DIAPH3: variants seen among roughly 807,000 people sequenced by gnomAD.
The protein encoded by DIAPH3 is protein diaphanous homolog 3.
DIAPH3 carries 117 observed loss-of-function variants against 144.3 expected under a neutral mutation model. That is an observed-to-expected ratio of 0.81 (90% CI 0.70 to 0.95). The LOEUF is 0.95. DIAPH3 is among the 40% of genes least tolerant of loss of function. The pLI is 0.00. For synonymous variants in DIAPH3, 519 were observed against 488.9 expected, an observed-to-expected ratio of 1.06 and a Z score of -0.81; for missense variants, 1,421 against 1,412.7, an observed-to-expected ratio of 1.01 and a Z score of -0.09.
intron 3 of DIAPH3, among the ~76,000 whole-genome samples, chr13:60,109,472 G>A: frequency 6.7e-6 from 1 of 149,926 alleles, no homozygotes; most frequent in African/African-American, 2.5e-5. Context: ...AGAGAATAGG[G>A]AAGAATGGAA....
intron 27 of DIAPH3, among the ~76,000 whole-genome samples, chr13:59,739,409 A>G (rs1814978197): frequency 2.0e-5 from 3 of 152,136 alleles, no homozygotes; most frequent in African/African-American, 7.2e-5. Flanking sequence ...CTAAGTATTC[A>G]TTTGTTAATT....
At position 60,114,120 on chromosome 13, in the gene DIAPH3, T is replaced by A. The variant is rs896351354; in HGVS notation, c.214-1934A>T. 2.6e-5 allele frequency among the ~76,000 whole-genome samples: 4 copies of A among 152,120 alleles called. No individual in the cohort carries two copies. In the East Asian group the frequency reaches 7.7e-4, roughly 29 times the overall value. On this transcript the variant is annotated intron_variant, in intron 2 of 27. Coordinates refer to ENST00000400324, the MANE Select transcript of DIAPH3 (RefSeq NM_001042517.2). ...GGGCAGGGTACCTGGTCAAAGAGAT[T>A]TCCTGAAGAAACAGCCAGAAGTAGA...
intron 1 of DIAPH3, among the ~76,000 whole-genome samples, chr13:60,157,848 CT>C (rs1398591332): frequency 2.0e-5 from 3 of 152,172 alleles, no homozygotes; most frequent in African/African-American, 7.2e-5. Flanking sequence ...TTAGCCCTAC[CT>C]GTGCTGCTTG....
At chr13:59,698,391 C>T (rs1222428008) in intron 27 of DIAPH3, among the ~76,000 whole-genome samples, 3 of 151,954 alleles carry the variant, frequency 2.0e-5, no homozygotes, top group African/African-American at 7.3e-5. Flanking sequence ...GTAACACAAG[C>T]CTATTTTACT....
chr13:59,744,522 A>ATT (rs4054915), intron 27 of DIAPH3, among the ~76,000 whole-genome samples: 7,520 of 150,798 alleles, frequency 0.05, 290 homozygotes, highest in South Asian at 0.11. Flanking sequence ...TTTGTGTGTA[A>ATT]TTTTTTTTTT....
intron 19 of DIAPH3, among the ~76,000 whole-genome samples, chr13:59,914,976 G>T (rs2047159940): frequency 6.6e-6 from 1 of 152,030 alleles, no homozygotes; most frequent in African/African-American, 2.4e-5. Context: ...CTTTGGACAT[G>T]AATTTTAAAA....
intron 27 of DIAPH3, among the ~76,000 whole-genome samples, chr13:59,674,911 G>C (rs941742444): frequency 6.6e-6 from 1 of 152,146 alleles, no homozygotes. Context: ...GTAATGGCTT[G>C]TCAGCTAATA....
chr13:59,919,376 A>G (rs920796721), intron 18 of DIAPH3, among the ~76,000 whole-genome samples: 1 of 152,176 alleles, frequency 6.6e-6, no homozygotes, highest in African/African-American at 2.4e-5. Flanking sequence ...TCAAACTGTC[A>G]AAGATCAAAG....
chr13:59,833,583 T>C (rs2041896467), intron 23 of DIAPH3, among the ~76,000 whole-genome samples: 1 of 151,826 alleles, frequency 6.6e-6, no homozygotes, highest in Admixed American at 6.6e-5. Flanking sequence ...TACAATATGA[T>C]TTAAAATTAT....
At chr13:60,093,408 G>C (rs753192359) in intron 4 of DIAPH3, among the ~76,000 whole-genome samples, 40 of 152,120 alleles carry the variant, frequency 2.6e-4, no homozygotes, top group Non-Finnish European at 5.1e-4. Flanking sequence ...GTGTTTCTTA[G>C]CAATGTAACT....
chr13:59,722,952 T>A (rs913582807), intron 27 of DIAPH3, among the ~76,000 whole-genome samples: 9 of 152,180 alleles, frequency 5.9e-5, no homozygotes, highest in African/African-American at 1.9e-4. Flanking sequence ...TGGATTCTAG[T>A]CTCTGAGCCA....
chr13:60,088,808 GAC>G (rs2057836405), intron 4 of DIAPH3, among the ~76,000 whole-genome samples: 1 of 152,236 alleles, frequency 6.6e-6, no homozygotes, highest in Admixed American at 6.5e-5. Flanking sequence ...TTTTAGGAGA[GAC>G]AGGGTTTCAC....
At chr13:59,704,915 G>C (rs146449440) in intron 27 of DIAPH3, among the ~76,000 whole-genome samples, 1 of 152,196 alleles carries the variant, frequency 6.6e-6, no homozygotes, top group African/African-American at 2.4e-5. Flanking sequence ...ACTTCCAGGA[G>C]GTCTAAGGGT....
Position 59,773,618 on chromosome 13 carries a change from G to A in DIAPH3, c.3319+571C>T, listed in dbSNP as rs917729021. On this transcript the variant is annotated intron_variant, in intron 27 of 27. Transcript: ENST00000400324. ...CTGAACAGAGCAGAGAGTTCTATGC[G>A]GTTGGGCATGGAGGACTGGTTAGAG... 7.2e-5 allele frequency among the ~76,000 whole-genome samples: 11 copies of A among 152,144 alleles called. 1 individual carries two copies. Among genetic ancestry groups the A allele is most frequent in the Admixed American group, 5.9e-4 (9 of 15,268 alleles).
chr13:59,765,958 C>A (rs896278443), intron 27 of DIAPH3, among the ~76,000 whole-genome samples: 1 of 152,196 alleles, frequency 6.6e-6, no homozygotes, highest in Non-Finnish European at 1.5e-5. Context: ...CCCATCCCTG[C>A]CATAATGCCT....
At chr13:60,139,469 T>G (rs1221637004) in intron 1 of DIAPH3, among the ~76,000 whole-genome samples, 1 of 152,188 alleles carries the variant, frequency 6.6e-6, no homozygotes, top group Non-Finnish European at 1.5e-5. Flanking sequence ...TCTACTGTCA[T>G]GCACTCAAGT....
chr13:60,003,311 T>C (rs566115927), intron 9 of DIAPH3, among the ~76,000 whole-genome samples: 156 of 152,286 alleles, frequency 1.0e-3, no homozygotes, highest in African/African-American at 3.6e-3. Context: ...TTAATTGATA[T>C]AGGCTATGAT....
chr13:60,085,115 T>C (rs1403408396), intron 4 of DIAPH3, among the ~76,000 whole-genome samples: 2 of 152,104 alleles, frequency 1.3e-5, no homozygotes, highest in Non-Finnish European at 2.9e-5. Context: ...ACTCTTCTCC[T>C]TACTAATATC....
intron 27 of DIAPH3, among the ~76,000 whole-genome samples, chr13:59,674,994 G>A (rs2032563718): frequency 6.6e-6 from 1 of 152,116 alleles, no homozygotes; most frequent in African/African-American, 2.4e-5. Context: ...AATAATACAG[G>A]GATATGGTTT....
Sources: gnomAD v4.1 joint callset for allele counts (sites outside exome capture counted in the v4.1 genomes callset) on GRCh38, gnomAD v4.1.1 for gene constraint, MANE v1.5 for transcripts, NCBI Gene and HGNC (gene_info 2026-07-23, HGNC 2026-07-21) for gene names.